Variants in SLC9A6 observed in about 807,000 individuals in gnomAD.
The protein encoded by SLC9A6 is solute carrier family 9 member A6.
SLC9A6 carries 6 observed loss-of-function variants against 45.3 expected under a neutral mutation model. That is an observed-to-expected ratio of 0.13 (90% CI 0.07 to 0.26). The LOEUF (loss-of-function observed/expected upper bound fraction) is 0.26. Among genes scored for constraint, SLC9A6 ranks in the 10% least tolerant of loss-of-function variants. The probability of loss-of-function intolerance (pLI) is 1.00; values close to 1 mark genes in which losing one functional copy is unlikely to be tolerated. For missense variants in SLC9A6, 278 were observed against 503.7 expected, an observed-to-expected ratio of 0.55 and a Z score of 4.29; for synonymous variants, 191 against 187.7, an observed-to-expected ratio of 1.02 and a Z score of -0.14.
Position 135,985,647 on chromosome X carries a change from G to A in SLC9A6, c.-12G>A, listed in dbSNP as rs2089322133. The A allele has an allele frequency of 2.5e-6, 3 of 1,211,840 alleles. No homozygotes were observed. The highest frequency in any genetic ancestry group is 3.4e-6 in the Non-Finnish European group (3 of 895,447). On this transcript the variant is annotated 5_prime_UTR_variant, in exon 2 of 18. Coordinates refer to ENST00000630721, the MANE Select transcript of SLC9A6 (RefSeq NM_001379110.1). ...AGGGGCTTCGGACGGCGGCGGCGGA[G>A]AGGCTAGAGCCATGGACGAGGAGAT...
chrX:135,984,680 C>A (rs189220024), upstream of SLC9A6, among the ~76,000 whole-genome samples: 52 of 111,249 alleles, frequency 4.7e-4, no homozygotes, highest in South Asian at 4.5e-3. Flanking sequence ...AGGGTGACTT[C>A]GGAGCTGGGG....
At chrX:136,020,188 T>C (rs782173498) in intron 11 of SLC9A6, among the ~76,000 whole-genome samples, 1 of 111,446 alleles carries the variant, frequency 9.0e-6, no homozygotes, top group East Asian at 2.8e-4. Context: ...CCCCGCCATG[T>C]TGTACTGCGT....
chrX:135,975,981 C>CAA (rs782541566), intron 1 of SLC9A6, among the ~76,000 whole-genome samples: 671 of 62,156 alleles, frequency 0.011, 9 homozygotes, highest in South Asian at 0.023. Context: ...TTTCTCTAAC[C>CAA]AAAAAAAAAA....
chrX:135,987,100 T>C (rs73226737), intron 2 of SLC9A6, among the ~76,000 whole-genome samples: 5,889 of 111,561 alleles, frequency 0.053, 143 homozygotes, highest in Non-Finnish European at 0.077. Flanking sequence ...ATGCATGAAC[T>C]CAGGCTTATT....
intron 11 of SLC9A6, among the ~76,000 whole-genome samples, chrX:136,020,182 G>A (rs782269220): frequency 2.7e-5 from 3 of 110,863 alleles, no homozygotes; most frequent in Non-Finnish European, 5.7e-5. Context: ...CCCTTCCCCC[G>A]CCATGTTGTA....
chrX:136,003,243 C>T (rs377202687), intron 7 of SLC9A6, among the ~76,000 whole-genome samples: 71 of 109,369 alleles, frequency 6.5e-4, no homozygotes, highest in African/African-American at 2.1e-3. Flanking sequence ...CCCGCCTCGG[C>T]CTCCCAAAGT....
rs191388209 is a variant in SLC9A6 at position 136,013,447 on chromosome X, A to G, written c.1080+10A>G. ...GCATAGAACTAAACAGGTAAGAGGAACTTTATAGTTTGTGAATAGGCTTTT... is the reference window on the plus strand; with the variant it reads ...GCATAGAACTAAACAGGTAAGAGGAGCTTTATAGTTTGTGAATAGGCTTTT... On this transcript the variant is annotated intron_variant, in intron 10 of 17. Coordinates refer to ENST00000630721, the MANE Select transcript of SLC9A6 (RefSeq NM_001379110.1). The G allele has an allele frequency of 1.4e-5, 16 of 1,114,382 alleles. No homozygotes were observed. The Admixed American group carries it at 2.9e-4, about 20-fold the overall frequency. The allele number at this position is 1,114,382 out of a possible 1,213,427, so 91.8% of individuals were successfully genotyped here. A position where few individuals can be genotyped will look rare whatever the true frequency, so the allele number is the denominator to read the frequency against.
chrX:135,976,272 C>T (rs1169832660), intron 1 of SLC9A6, among the ~76,000 whole-genome samples: 4 of 111,496 alleles, frequency 3.6e-5, no homozygotes, highest in Non-Finnish European at 7.5e-5. Flanking sequence ...CTTCCTTCTC[C>T]GCCCCTGGGA....
intron 8 of SLC9A6, 21 bp from the exon 9 acceptor site, chrX:136,012,928 T>C: frequency 5.4e-6 from 6 of 1,104,332 alleles, no homozygotes; most frequent in Non-Finnish European, 5.0e-6. Context: ...AAGATCTCAT[T>C]ACTAGCCTTA....
At chrX:136,009,358 T>C (rs1284112578) in intron 7 of SLC9A6, among the ~76,000 whole-genome samples, 2 of 112,056 alleles carry the variant, frequency 1.8e-5, no homozygotes, top group African/African-American at 6.5e-5. Flanking sequence ...ATAAAATAAG[T>C]ACAAATTAGG....
At chrX:136,001,232 G>T (rs992670647) in intron 6 of SLC9A6, among the ~76,000 whole-genome samples, 15 of 106,906 alleles carry the variant, frequency 1.4e-4, no homozygotes, top group African/African-American at 5.1e-4. Context: ...AGCTACTCGG[G>T]AGGCTGAAGC....
intron 14 of SLC9A6, chrX:136,029,864 GA>G (rs1227537009): frequency 2.6e-5 from 10 of 382,498 alleles, no homozygotes; most frequent in South Asian, 7.3e-5. Context: ...TATATTCAGA[GA>G]AAAAAAATGC....
At chrX:136,034,541 G>C (rs782155512) in intron 16 of SLC9A6, among the ~76,000 whole-genome samples, 1 of 111,825 alleles carries the variant, frequency 8.9e-6, no homozygotes, top group Non-Finnish European at 1.9e-5. Flanking sequence ...TTCAGGCTCT[G>C]ATTTATCAGT....
chrX:136,030,525 G>GC (rs1212894868), intron 15 of SLC9A6: 1 of 209,637 alleles, frequency 4.8e-6, no homozygotes, highest in Non-Finnish European at 8.6e-6. Context: ...TCTGATGTAA[G>GC]CCCCACTCCA....
intron 7 of SLC9A6, among the ~76,000 whole-genome samples, chrX:136,009,838 A>G (rs1169777162): frequency 8.9e-6 from 1 of 112,184 alleles, no homozygotes; most frequent in Non-Finnish European, 1.9e-5. Flanking sequence ...TGCTGAAAGT[A>G]CTGTTGAGTG....
upstream of SLC9A6, among the ~76,000 whole-genome samples, chrX:135,983,098 T>C (rs1556614354): frequency 1.8e-5 from 2 of 111,040 alleles, no homozygotes; most frequent in African/African-American, 6.6e-5. Flanking sequence ...GAGAAGGTGT[T>C]AGAGCTTCAA....
chrX:136,025,311 C>T lies in SLC9A6; in HGVS notation c.1460+828C>T, dbSNP rs145382009. 2.3e-3 allele frequency among the ~76,000 whole-genome samples: 261 copies of T among 112,631 alleles called. 2 individuals are homozygous for T. Among genetic ancestry groups the T allele is most frequent in the Non-Finnish European group, 2.7e-3 (143 of 53,318 alleles). On this transcript the variant is annotated intron_variant, in intron 13 of 17. Transcript: ENST00000630721. The stretch of plus-strand genomic sequence containing the variant: ...GATACAGCAGCCTATGCTGCTAAAG[C>T]CTTTGTAGATTTGAGTTCTGTGTTT...
intron 2 of SLC9A6, among the ~76,000 whole-genome samples, chrX:135,988,263 T>C (rs1556615184): frequency 8.9e-6 from 1 of 111,809 alleles, no homozygotes; most frequent in Non-Finnish European, 1.9e-5. Context: ...GCAAGAGTGT[T>C]AGTCTGGGAG....
intron 4 of SLC9A6, 64 bp downstream of exon 4, chrX:135,998,249 G>T: frequency 1.4e-6 from 1 of 716,314 alleles, no homozygotes; most frequent in South Asian, 2.2e-5. Context: ...TGTAATATTT[G>T]ACACTTCAGA....
Sources: gnomAD v4.1 joint callset for allele counts (sites outside exome capture counted in the v4.1 genomes callset) on GRCh38, gnomAD v4.1.1 for gene constraint, MANE v1.5 for transcripts, NCBI Gene and HGNC (gene_info 2026-07-23, HGNC 2026-07-21) for gene names.